FAM118B: variants seen among roughly 807,000 people sequenced by gnomAD.
FAM118B encodes the protein protein FAM118B.
A neutral mutation model predicts 38.5 loss-of-function variants in FAM118B; 24 were observed. That is an observed-to-expected ratio of 0.62 (90% CI 0.45 to 0.88). FAM118B has a LOEUF of 0.88. Among genes scored for constraint, FAM118B ranks in the 40% least tolerant of loss-of-function variants. The probability of loss-of-function intolerance (pLI) is 0.00; values close to 1 mark genes in which losing one functional copy is unlikely to be tolerated. For missense variants in FAM118B, 334 were observed against 420.0 expected, an observed-to-expected ratio of 0.80 and a Z score of 1.79; for synonymous variants, 138 against 156.3, an observed-to-expected ratio of 0.88 and a Z score of 0.87.
At chr11:126,237,215 C>CA (rs1555052709) in intron 3 of FAM118B, among the ~76,000 whole-genome samples, 10 of 43,112 alleles carry the variant, frequency 2.3e-4, no homozygotes, top group African/African-American at 7.5e-4. Flanking sequence ...CGCGCCTGGC[C>CA]TTTTTTTTTT....
At chr11:126,214,493 T>TTTTTTTTTTG (rs1195669187) in intron 1 of FAM118B, 3 of 87,024 alleles carry the variant, frequency 3.4e-5, no homozygotes, top group Non-Finnish European at 7.4e-5. Flanking sequence ...TGTTTCTGTT[T>TTTTTTTTTTG]TTTTTTTTTG....
intron 3 of FAM118B, among the ~76,000 whole-genome samples, chr11:126,237,243 T>C (rs1950287644): frequency 3.9e-5 from 2 of 51,812 alleles, no homozygotes; most frequent in Admixed American, 2.8e-4. Context: ...TTTTTTGAGA[T>C]GGAGTCTCGC....
At chr11:126,227,780 A>C (rs944360687) in intron 1 of FAM118B, among the ~76,000 whole-genome samples, 1 of 152,006 alleles carries the variant, frequency 6.6e-6, no homozygotes, top group Non-Finnish European at 1.5e-5. Context: ...TTAATGGTAA[A>C]ATTTTTTAAT....
At chr11:126,227,028 A>G (rs1281481211) in intron 1 of FAM118B, among the ~76,000 whole-genome samples, 2 of 150,662 alleles carry the variant, frequency 1.3e-5, no homozygotes, top group East Asian at 3.9e-4. Context: ...TGAAAGAGAG[A>G]AATTGAATGC....
chr11:126,222,579 G>T (rs1950078340), intron 1 of FAM118B, among the ~76,000 whole-genome samples: 2 of 152,228 alleles, frequency 1.3e-5, no homozygotes, highest in African/African-American at 2.4e-5. Context: ...TCCAAAGCAG[G>T]TGAGAATCTT....
rs556755610 is a variant in FAM118B at position 126,254,889 on chromosome 11, C to T, written c.696+456C>T. 3.3e-5 allele frequency among the ~76,000 whole-genome samples: 5 copies of T among 152,308 alleles called. No homozygotes were observed. The South Asian group carries it at 1.0e-3, about 32-fold the overall frequency. ...CTGTGCTTCTTAACTTATGGGTGTGCATGCTGTCTAGGAAATGTAGAATTT... is the reference window on the plus strand; with the variant it reads ...CTGTGCTTCTTAACTTATGGGTGTGTATGCTGTCTAGGAAATGTAGAATTT... On this transcript the variant is annotated intron_variant, in intron 6 of 8. Coordinates refer to ENST00000533050, the MANE Select transcript of FAM118B (RefSeq NM_024556.4).
intron 7 of FAM118B, among the ~76,000 whole-genome samples, chr11:126,259,517 C>T (rs1950639772): frequency 1.3e-5 from 2 of 151,704 alleles, no homozygotes; most frequent in African/African-American, 4.8e-5. Flanking sequence ...CCCCCGCCTC[C>T]TGGGTTCAAG....
Position 126,262,622 on chromosome 11 carries a change from G to A in FAM118B, c.*489G>A, listed in dbSNP as rs1285207948. 1 of 154,664 alleles carries A rather than the reference G, an allele frequency of 6.5e-6. No individual in the cohort carries two copies. Among genetic ancestry groups the A allele is most frequent in the Non-Finnish European group, 1.4e-5 (1 of 69,514 alleles). 9.6% of individuals were successfully genotyped at this position (154,664 alleles called of 1,614,324 possible). On this transcript the variant is annotated 3_prime_UTR_variant, in exon 9 of 9. Coordinates refer to ENST00000533050, the MANE Select transcript of FAM118B (RefSeq NM_024556.4). ...AGTGTACAGTATTTTACATAACTAA[G>A]CTGTATTAAAAGCTTGTTCATTTAC...
intron 1 of FAM118B, among the ~76,000 whole-genome samples, chr11:126,228,849 C>T (rs1413754450): frequency 1.3e-5 from 2 of 152,160 alleles, no homozygotes; most frequent in East Asian, 1.9e-4. Context: ...TTGAGCCACC[C>T]GCGCCTGGCC....
intron 4 of FAM118B, among the ~76,000 whole-genome samples, chr11:126,247,123 T>C (rs1211766214): frequency 6.6e-6 from 1 of 152,116 alleles, no homozygotes; most frequent in Non-Finnish European, 1.5e-5. Context: ...TGAGACCCTG[T>C]CTGTACGAAA....
intron 1 of FAM118B, 130 bp downstream of exon 1, chr11:126,211,960 C>A (rs113691498): frequency 6.6e-6 from 2 of 304,804 alleles, no homozygotes; most frequent in South Asian, 4.8e-5. Context: ...TTTTGGTACA[C>A]GATCCCACTC....
At chr11:126,241,491 T>C (rs1404220859) in intron 4 of FAM118B, among the ~76,000 whole-genome samples, 3 of 152,202 alleles carry the variant, frequency 2.0e-5, no homozygotes, top group Non-Finnish European at 4.4e-5. Flanking sequence ...TGCACCTTAT[T>C]TTACCAAACT....
chr11:126,248,205 T>C (rs368360196), intron 4 of FAM118B, among the ~76,000 whole-genome samples: 1 of 151,300 alleles, frequency 6.6e-6, no homozygotes, highest in African/African-American at 2.4e-5. Context: ...TAACCTCATA[T>C]GTGTCATTTC....
In FAM118B at chr11:126,252,439, TA is replaced by T. The variant is rs1176850040; in HGVS notation, c.567+1707del. ...ATATGACAGTTAGGTGCTTGGTAAA[TA>T]TTTTTTTGATTAATAAATGATTGGG... On this transcript the variant is annotated intron_variant, in intron 5 of 8. Coordinates refer to ENST00000533050, the MANE Select transcript of FAM118B (RefSeq NM_024556.4). The surrounding 1 kb of genome is among the most constrained non-coding windows in gnomAD (Gnocchi z 4.7). 6.6e-6 allele frequency among the ~76,000 whole-genome samples: 1 copy of T among 152,178 alleles called. No individual in the cohort carries two copies. The highest frequency in any genetic ancestry group is 1.5e-5 in the Non-Finnish European group (1 of 68,038).
intron 4 of FAM118B, among the ~76,000 whole-genome samples, chr11:126,242,604 C>T (rs1485405484): frequency 6.6e-6 from 1 of 152,182 alleles, no homozygotes; most frequent in Non-Finnish European, 1.5e-5. Context: ...AAAGAAGATA[C>T]ACAAACGGCC....
intron 1 of FAM118B, among the ~76,000 whole-genome samples, chr11:126,226,846 G>T (rs935551412): frequency 3.3e-5 from 5 of 151,180 alleles, no homozygotes; most frequent in African/African-American, 1.2e-4. Flanking sequence ...GGTGATATGC[G>T]CCTGTAGTCC....
At chr11:126,258,650 TC>T (rs2135219632) in intron 7 of FAM118B, among the ~76,000 whole-genome samples, 1 of 152,370 alleles carries the variant, frequency 6.6e-6, no homozygotes, top group African/African-American at 2.4e-5. Flanking sequence ...TTCTAGACTC[TC>T]CTGCTGTTGT....
chr11:126,248,292 CAAGAA>C (rs1433467354), intron 4 of FAM118B, among the ~76,000 whole-genome samples: 1 of 126,084 alleles, frequency 7.9e-6, no homozygotes, highest in Non-Finnish European at 1.6e-5. Flanking sequence ...TTTGGGTAGA[CAAGAA>C]AAGAGCACCA....
intron 2 of FAM118B, chr11:126,233,701 CT>C (rs1950235802): frequency 2.2e-6 from 1 of 456,196 alleles, no homozygotes. Context: ...AAGAATTACA[CT>C]GCGTGTGATG....
Sources: gnomAD v4.1 joint callset for allele counts (sites outside exome capture counted in the v4.1 genomes callset) on GRCh38, gnomAD v4.1.1 for gene constraint, Gnocchi (gnomAD v3.1) non-coding constraint, MANE v1.5 for transcripts, NCBI Gene and HGNC (gene_info 2026-07-23, HGNC 2026-07-21) for gene names.